Variants in HDAC9 observed in about 807,000 individuals in gnomAD.
HDAC9 encodes the protein histone deacetylase 9.
HDAC9 carries 41 observed loss-of-function variants against 139.4 expected under a neutral mutation model. The ratio of observed to expected loss-of-function variants is 0.29; its 90% CI spans 0.23 to 0.38. HDAC9 has a LOEUF of 0.38. Ranked by LOEUF, HDAC9 falls within the 10% of genes least tolerant of loss-of-function variation. The probability of loss-of-function intolerance (pLI) is 1.00; values close to 1 mark genes in which losing one functional copy is unlikely to be tolerated. For missense variants in HDAC9, 1,147 were observed against 1,297.0 expected, an observed-to-expected ratio of 0.88 and a Z score of 1.78; for synonymous variants, 517 against 476.2, an observed-to-expected ratio of 1.09 and a Z score of -1.12.
intron 19 of HDAC9, among the ~76,000 whole-genome samples, chr7:18,831,705 C>T (rs149885292): frequency 1.3e-5 from 2 of 152,238 alleles, no homozygotes; most frequent in East Asian, 1.9e-4. Context: ...TTTTAAGGTG[C>T]CACGTGGCCT....
intron 24 of HDAC9, 57 bp from the exon 25 acceptor site, chr7:18,975,749 C>G: frequency 6.5e-7 from 1 of 1,528,306 alleles, no homozygotes; most frequent in Non-Finnish European, 9.0e-7. Flanking sequence ...TGTGAGTATT[C>G]TGATTATTAC....
At chr7:18,194,801 T>TG (rs1178571779) in intron 2 of HDAC9, among the ~76,000 whole-genome samples, 1 of 152,202 alleles carries the variant, frequency 6.6e-6, no homozygotes, top group Non-Finnish European at 1.5e-5. Flanking sequence ...TTTAATCTAC[T>TG]GGTGTTTGAT....
chr7:18,460,338 G>A (rs1442537060), intron 1 of HDAC9, among the ~76,000 whole-genome samples: 3 of 151,994 alleles, frequency 2.0e-5, no homozygotes, highest in African/African-American at 7.2e-5. Context: ...TTTTGACAGG[G>A]GCTAAGCTTG....
chr7:18,164,208 T>C (rs1351391124), intron 2 of HDAC9, among the ~76,000 whole-genome samples: 1 of 152,148 alleles, frequency 6.6e-6, no homozygotes, highest in African/African-American at 2.4e-5. Context: ...GCCAGGTGGG[T>C]AGGAGTTTCT....
intron 2 of HDAC9, among the ~76,000 whole-genome samples, chr7:18,276,185 T>C (rs1255531030): frequency 6.6e-6 from 1 of 152,224 alleles, no homozygotes; most frequent in Non-Finnish European, 1.5e-5. Context: ...TCTATTCTTA[T>C]ACTATAGCTT....
At chr7:18,665,666 C>T (rs1220036549) in intron 11 of HDAC9, among the ~76,000 whole-genome samples, 2 of 151,830 alleles carry the variant, frequency 1.3e-5, no homozygotes, top group Admixed American at 6.6e-5. Context: ...ATAAATATTT[C>T]TAGTTCTTAC....
intron 1 of HDAC9, among the ~76,000 whole-genome samples, chr7:18,326,290 A>G (rs1184143581): frequency 6.6e-6 from 1 of 152,120 alleles, no homozygotes; most frequent in Non-Finnish European, 1.5e-5. Context: ...CAAATAAGGT[A>G]TGCTTGAATA....
chr7:18,974,907 C>CT (rs779240706), intron 24 of HDAC9, among the ~76,000 whole-genome samples: 4 of 152,154 alleles, frequency 2.6e-5, no homozygotes, highest in Non-Finnish European at 5.9e-5. Flanking sequence ...TCAAACAAGG[C>CT]TTTTTCTTCC....
intron 6 of HDAC9, among the ~76,000 whole-genome samples, chr7:18,615,478 A>G (rs1838321402): frequency 6.6e-6 from 1 of 152,218 alleles, no homozygotes; most frequent in African/African-American, 2.4e-5. Context: ...TCCTTAATTT[A>G]TATACTTATA....
chr7:18,649,419 T>C (rs923786420), intron 11 of HDAC9, among the ~76,000 whole-genome samples: 1 of 152,118 alleles, frequency 6.6e-6, no homozygotes, highest in African/African-American at 2.4e-5. Flanking sequence ...AAAAGCACCA[T>C]CTTCTCATTC....
intron 1 of HDAC9, among the ~76,000 whole-genome samples, chr7:18,313,554 G>A (rs974258673): frequency 5.9e-5 from 9 of 152,214 alleles, no homozygotes; most frequent in East Asian, 3.9e-4. Flanking sequence ...AGTCAAGCTC[G>A]GAATTCAGGA....
chr7:18,179,552 T>C (rs1789218093), intron 2 of HDAC9, among the ~76,000 whole-genome samples: 1 of 152,218 alleles, frequency 6.6e-6, no homozygotes. Context: ...TTATATTTCT[T>C]TCCATTCTCT....
intron 1 of HDAC9, among the ~76,000 whole-genome samples, chr7:18,470,971 C>T (rs181420283): frequency 2.6e-5 from 4 of 151,728 alleles, no homozygotes; most frequent in Admixed American, 2.6e-4. Flanking sequence ...TACAGTATTG[C>T]TAGGGGATTT....
chr7:18,970,810 TA>T (rs142691189), intron 24 of HDAC9, among the ~76,000 whole-genome samples: 1 of 151,038 alleles, frequency 6.6e-6, no homozygotes, highest in African/African-American at 2.4e-5. Context: ...GGAAAAAAGG[TA>T]AAAAAAAGCA....
At chr7:18,530,434 CA>C (rs1006932336) in intron 2 of HDAC9, among the ~76,000 whole-genome samples, 10 of 146,626 alleles carry the variant, frequency 6.8e-5, no homozygotes, top group East Asian at 4.0e-4. Flanking sequence ...TGGTGTTGAA[CA>C]AAAAAAAAAT....
intron 2 of HDAC9, among the ~76,000 whole-genome samples, chr7:18,574,289 G>A (rs575410284): frequency 5.3e-5 from 8 of 152,306 alleles, no homozygotes; most frequent in Admixed American, 1.3e-4. Context: ...AGACATCTGT[G>A]CAGCCCTCAG....
intron 2 of HDAC9, among the ~76,000 whole-genome samples, chr7:18,555,816 T>A (rs544190180): frequency 1.6e-4 from 24 of 152,220 alleles, no homozygotes; most frequent in Admixed American, 4.6e-4. Flanking sequence ...TTATTGTAGG[T>A]CTGTATTCTA....
chr7:18,604,709 T>C (rs1310823080), intron 6 of HDAC9, among the ~76,000 whole-genome samples: 3 of 152,176 alleles, frequency 2.0e-5, no homozygotes, highest in Non-Finnish European at 2.9e-5. Context: ...AAGACCTTTT[T>C]TAAATTTCTA....
intron 12 of HDAC9, among the ~76,000 whole-genome samples, 165 bp from the exon 13 acceptor site, chr7:18,727,415 T>C (rs375154385): frequency 6.6e-5 from 10 of 152,252 alleles, no homozygotes; most frequent in African/African-American, 2.4e-4. Flanking sequence ...ATTTATTGAC[T>C]GGATCTTGTT....
Sources: allele counts gnomAD v4.1 joint callset (sites outside exome capture counted in the v4.1 genomes callset), GRCh38; gene constraint gnomAD v4.1.1; transcripts MANE v1.5; gene names NCBI Gene and HGNC (gene_info 2026-07-23, HGNC 2026-07-21).